The following SBF2 variants were observed in gnomAD, a reference collection of about 807,000 sequenced individuals.
SBF2 encodes SET binding factor 2.
SBF2 carries 112 observed loss-of-function variants against 225.2 expected under a neutral mutation model. The observed-to-expected ratio is 0.50, with a 90% CI of 0.43 to 0.58. The LOEUF (loss-of-function observed/expected upper bound fraction) is 0.58. SBF2 is among the 20% of genes least tolerant of loss of function. SBF2 has a pLI of 0.00. For synonymous variants in SBF2, 763 were observed against 773.3 expected (o/e 0.99, Z 0.22); for missense variants, 1,996 against 2,206.2 (o/e 0.90, Z 1.91).
chr11:9,953,878 A>G (rs1201432536), intron 16 of SBF2, among the ~76,000 whole-genome samples: 1 of 152,184 alleles, frequency 6.6e-6, no homozygotes, highest in Non-Finnish European at 1.5e-5. Flanking sequence ...GCAATTTAAC[A>G]TAATGCTGGA....
At chr11:9,858,149 T>G (rs1198323003) in intron 18 of SBF2, 77 bp downstream of exon 18, 3 of 1,553,382 alleles carry the variant, frequency 1.9e-6, no homozygotes. Context: ...AGAGTTTTTT[T>G]TGCCCTGGGA....
At chr11:10,031,923 G>T (rs1247914344) in intron 3 of SBF2, among the ~76,000 whole-genome samples, 1 of 152,004 alleles carries the variant, frequency 6.6e-6, no homozygotes, top group Non-Finnish European at 1.5e-5. Flanking sequence ...TTTGTTTTTT[G>T]TAGAGGCAGG....
chr11:10,302,312 A>ATGGCCCT (rs1964606099), intron 1 of SBF2, among the ~76,000 whole-genome samples: 1 of 152,240 alleles, frequency 6.6e-6, no homozygotes, highest in Non-Finnish European at 1.5e-5. Flanking sequence ...AAACCCACGA[A>ATGGCCCT]GCTTTGGGGA....
chr11:10,025,394 C>T (rs116264255), intron 6 of SBF2, among the ~76,000 whole-genome samples: 1 of 151,996 alleles, frequency 6.6e-6, no homozygotes. Flanking sequence ...AAAAAAAAAT[C>T]CACCTTGGTA....
chr11:10,172,826 T>C (rs1956257707), intron 2 of SBF2, among the ~76,000 whole-genome samples: 1 of 152,080 alleles, frequency 6.6e-6, no homozygotes, highest in Non-Finnish European at 1.5e-5. Context: ...GCCATCATGC[T>C]TGGCTAATTT....
intron 18 of SBF2, 105 bp from the exon 19 acceptor site, chr11:9,856,825 T>A: frequency 2.4e-6 from 3 of 1,254,344 alleles, no homozygotes; most frequent in Non-Finnish European, 3.4e-6. Flanking sequence ...TCTCGCTCTG[T>A]CACCCAGGCT....
chr11:9,843,497 G>A (rs924545661), intron 24 of SBF2, among the ~76,000 whole-genome samples: 1 of 152,142 alleles, frequency 6.6e-6, no homozygotes, highest in Admixed American at 6.5e-5. Context: ...GAAAATCTAG[G>A]CAATCCAGAG....
chr11:10,236,460 C>CTT (rs377513291), intron 1 of SBF2, among the ~76,000 whole-genome samples: 2 of 151,294 alleles, frequency 1.3e-5, no homozygotes, highest in African/African-American at 4.9e-5. Flanking sequence ...GAGTCCGTCT[C>CTT]TTTTTTTTTG....
chr11:9,868,366 A>AAAAAAAAAAAAAAAAAG (rs1554933292), intron 17 of SBF2, among the ~76,000 whole-genome samples: 2 of 114,868 alleles, frequency 1.7e-5, no homozygotes, highest in Non-Finnish European at 3.5e-5. Context: ...AAAAAAAAAA[A>AAAAAAAAAAAAAAAAAG]AATTAGGCGG....
intron 1 of SBF2, among the ~76,000 whole-genome samples, chr11:10,270,833 A>G (rs1962416357): frequency 6.6e-6 from 1 of 151,948 alleles, no homozygotes; most frequent in Non-Finnish European, 1.5e-5. Context: ...CTCTACTAAA[A>G]AACGGAAAAA....
intron 28 of SBF2, among the ~76,000 whole-genome samples, chr11:9,826,365 C>G (rs4910509): frequency 0.3 from 45,465 of 151,924 alleles, 7,691 homozygotes; most frequent in African/African-American, 0.46. Context: ...ACAACCATTT[C>G]AACTGGGGAT....
chr11:9,781,619 C>A lies in SBF2; in HGVS notation c.5339G>T (p.Gly1780Val), dbSNP rs764953844. 6.2e-6 allele frequency: 10 copies of A among 1,614,194 alleles called. No individual in the cohort carries two copies. The highest frequency in any genetic ancestry group is 8.5e-6 in the Non-Finnish European group (10 of 1,180,036). The change falls in exon 39 of 40, where the codon GGT becomes GTT. Residue 1780 changes from glycine (G) to valine (V), a missense_variant. Physicochemically the swap from Gly to Val is moderately radical, Grantham distance 109. Transcript: ENST00000256190. ...TKHQLRYYDS[G>V]EDTSCKGHID... ...GTGGCCTTTACAGCTTGTGTCCTCA[C>A]CTGAGTCATAGTAGCGCAGCTGGAA...
chr11:9,882,988 G>A (rs4445629), intron 17 of SBF2, among the ~76,000 whole-genome samples: 40,421 of 151,810 alleles, frequency 0.27, 6,499 homozygotes, highest in African/African-American at 0.46. Context: ...ACAACAATTA[G>A]CCAGATGTGG....
chr11:9,871,365 C>T (rs1352432456), intron 17 of SBF2, among the ~76,000 whole-genome samples: 2 of 151,642 alleles, frequency 1.3e-5, no homozygotes, highest in African/African-American at 4.8e-5. Flanking sequence ...ATAAGACATA[C>T]ATGTGGCCAA....
intron 6 of SBF2, chr11:10,016,589 C>A (rs1008490412): frequency 4.6e-5 from 7 of 152,112 alleles, no homozygotes; most frequent in African/African-American, 1.4e-4. Flanking sequence ...TGGGTTCACG[C>A]CATTCTCCTG....
chr11:10,045,463 G>A lies in SBF2; in HGVS notation c.142-2482C>T, dbSNP rs149154121. ...ATTACAGGCATGAGCCACTGCACCC[G>A]GCCTATTGCTTTTCAAAAACCAAGG... On this transcript the variant is annotated intron_variant, in intron 2 of 39. Transcript: ENST00000256190. 9.5e-3 allele frequency among the ~76,000 whole-genome samples: 1,439 copies of A among 152,212 alleles called. 90 individuals are homozygous for A. Among genetic ancestry groups the A allele is most frequent in the Admixed American group, 0.082 (1,249 of 15,294 alleles).
intron 14 of SBF2, among the ~76,000 whole-genome samples, chr11:9,965,031 C>A (rs1206963072): frequency 6.6e-6 from 1 of 152,156 alleles, no homozygotes; most frequent in African/African-American, 2.4e-5. Flanking sequence ...CCCACCCTCC[C>A]AGCCTTCTGA....
intron 6 of SBF2, among the ~76,000 whole-genome samples, chr11:10,025,299 C>T (rs568626516): frequency 1.3e-5 from 2 of 152,070 alleles, no homozygotes; most frequent in African/African-American, 2.4e-5. Flanking sequence ...TTGTAATTCC[C>T]GAGGGAGCCA....
intron 1 of SBF2, among the ~76,000 whole-genome samples, chr11:10,233,076 T>C (rs1007009822): frequency 2.0e-5 from 3 of 152,208 alleles, no homozygotes; most frequent in African/African-American, 7.2e-5. Context: ...TAAGGAAATA[T>C]TTTCAGCCAA....
Sources: gnomAD v4.1 joint callset for allele counts (sites outside exome capture counted in the v4.1 genomes callset) on GRCh38, gnomAD v4.1.1 for gene constraint, MANE v1.5 for transcripts, NCBI Gene and HGNC (gene_info 2026-07-23, HGNC 2026-07-21) for gene names.